The following SMAP1 variants were observed in gnomAD, a reference collection of about 807,000 sequenced individuals.
SMAP1 encodes small ArfGAP 1.
In SMAP1, 24 loss-of-function variants were observed where a neutral mutation model predicts 58.5. The ratio of observed to expected loss-of-function variants is 0.41; its 90% CI spans 0.30 to 0.58. The LOEUF is 0.58. Among genes scored for constraint, SMAP1 ranks in the 20% least tolerant of loss-of-function variants. The pLI is 0.29. For missense variants in SMAP1, 563 were observed against 566.3 expected (o/e 0.99, Z 0.06); for synonymous variants, 216 against 196.6 (o/e 1.10, Z -0.82).
intron 4 of SMAP1, among the ~76,000 whole-genome samples, chr6:70,782,346 C>T (rs923744445): frequency 4.0e-4 from 61 of 152,302 alleles, no homozygotes; most frequent in African/African-American, 1.3e-3. Context: ...TGCTTCCTTC[C>T]TCCTCTTTTC....
chr6:70,766,564 C>A (rs899494381), intron 3 of SMAP1, among the ~76,000 whole-genome samples: 26 of 152,084 alleles, frequency 1.7e-4, no homozygotes, highest in South Asian at 4.2e-4. Context: ...GTGTCTGTTC[C>A]TGTCCTTTGC....
chr6:70,707,595 CATTT>C (rs1424653459), intron 1 of SMAP1, among the ~76,000 whole-genome samples: 1 of 151,856 alleles, frequency 6.6e-6, no homozygotes, highest in African/African-American at 2.4e-5. Flanking sequence ...ACATTTTAAA[CATTT>C]ATTTATTTAT....
At chr6:70,759,771 A>G (rs931773913) in intron 3 of SMAP1, 16 of 320,136 alleles carry the variant, frequency 5.0e-5, no homozygotes, top group Middle Eastern at 4.0e-4. Flanking sequence ...GAAAGATGAG[A>G]TTTTTATAGT....
intron 5 of SMAP1, among the ~76,000 whole-genome samples, chr6:70,792,002 G>T (rs1437729957): frequency 6.6e-6 from 1 of 152,102 alleles, no homozygotes; most frequent in Non-Finnish European, 1.5e-5. Context: ...TATCTCAACA[G>T]TTAAGAAGCA....
At chr6:70,839,310 C>T (rs1377406052) in intron 7 of SMAP1, among the ~76,000 whole-genome samples, 1 of 152,158 alleles carries the variant, frequency 6.6e-6, no homozygotes. Flanking sequence ...TATCTTCTAC[C>T]ACCTTGTCTC....
chr6:70,679,276 C>T (rs1420019506), intron 1 of SMAP1, among the ~76,000 whole-genome samples: 1 of 152,114 alleles, frequency 6.6e-6, no homozygotes, highest in Non-Finnish European at 1.5e-5. Flanking sequence ...GCCTTGGCCT[C>T]CCAAAGTGCT....
Position 70,730,156 on chromosome 6 carries a change from C to A in SMAP1, c.119-2222C>A, listed in dbSNP as rs368116989. Among the ~76,000 whole-genome samples, 14 of 152,224 alleles carry A rather than the reference C, an allele frequency of 9.2e-5. No individual in the cohort carries two copies. The East Asian group carries it at 2.5e-3, about 27-fold the overall frequency. Reference sequence around the variant, plus strand: ...CTTTGAACTCCTGGGCTCAAGCTATCCTTCTGCCTCAGCCTCCCAAGTAGT... The same window carrying A: ...CTTTGAACTCCTGGGCTCAAGCTATACTTCTGCCTCAGCCTCCCAAGTAGT... On this transcript the variant is annotated intron_variant, in intron 1 of 10. Transcript: ENST00000370455.
intron 6 of SMAP1, among the ~76,000 whole-genome samples, chr6:70,831,630 G>C (rs1582273931): frequency 6.6e-6 from 1 of 152,164 alleles, no homozygotes; most frequent in African/African-American, 2.4e-5. Context: ...AGTATTCCTT[G>C]TGTATATGTA....
At chr6:70,761,857 A>C (rs1766759735) in intron 3 of SMAP1, among the ~76,000 whole-genome samples, 1 of 152,064 alleles carries the variant, frequency 6.6e-6, no homozygotes, top group Non-Finnish European at 1.5e-5. Context: ...TCATACGTTA[A>C]ATTCTTACTG....
rs185064132 is a variant in SMAP1, at chr6:70,774,621, G to A, written c.414+1196G>A. ...CAGCTCAATATGGTAGCTCATGCCT[G>A]TAATCCCAGCACTTTGGGAGGCCAA... On this transcript the variant is annotated intron_variant, in intron 4 of 10. Transcript: ENST00000370455. Among the ~76,000 whole-genome samples the A allele has an allele frequency of 4.6e-5, 7 of 152,284 alleles. No individual in the cohort carries two copies. In the East Asian group the frequency reaches 5.8e-4, roughly 13 times the overall value.
intron 7 of SMAP1, among the ~76,000 whole-genome samples, chr6:70,844,117 T>A (rs965962960): frequency 6.6e-5 from 10 of 152,182 alleles, no homozygotes; most frequent in Non-Finnish European, 1.3e-4. Flanking sequence ...TTGGGTGGCC[T>A]CAGGAATCTA....
intron 1 of SMAP1, among the ~76,000 whole-genome samples, chr6:70,697,466 C>T (rs1157027854): frequency 2.0e-5 from 3 of 152,004 alleles, no homozygotes; most frequent in African/African-American, 4.8e-5. Context: ...CCACCACACC[C>T]AGCTAATTTT....
intron 4 of SMAP1, 30 bp downstream of exon 4, chr6:70,773,455 G>T: frequency 7.6e-7 from 1 of 1,316,928 alleles, no homozygotes; most frequent in Non-Finnish European, 1.1e-6. Flanking sequence ...CTCATCAATT[G>T]TTTGTTGACT....
intron 1 of SMAP1, among the ~76,000 whole-genome samples, chr6:70,686,500 A>G (rs1766939774): frequency 3.3e-5 from 5 of 152,216 alleles, no homozygotes. Flanking sequence ...GAGGAATTAT[A>G]GTTAACTCTT....
chr6:70,819,594 G>A (rs928945667), intron 6 of SMAP1, among the ~76,000 whole-genome samples: 2 of 152,032 alleles, frequency 1.3e-5, no homozygotes, highest in Non-Finnish European at 2.9e-5. Flanking sequence ...AAAATGACTT[G>A]AAAATATACA....
chr6:70,761,573 A>G (rs537079687), intron 3 of SMAP1, among the ~76,000 whole-genome samples: 2 of 152,124 alleles, frequency 1.3e-5, no homozygotes, highest in East Asian at 3.9e-4. Flanking sequence ...TTTAAACTTG[A>G]TGGTATGCAA....
chr6:70,767,682 A>C (rs1271220987), intron 3 of SMAP1, among the ~76,000 whole-genome samples: 4 of 149,684 alleles, frequency 2.7e-5, no homozygotes, highest in Non-Finnish European at 4.4e-5. Context: ...ATATACAATC[A>C]TGTCATCTGC....
intron 1 of SMAP1, among the ~76,000 whole-genome samples, chr6:70,699,356 C>T (rs1220071249): frequency 2.0e-5 from 3 of 152,200 alleles, no homozygotes; most frequent in Non-Finnish European, 4.4e-5. Flanking sequence ...AGACCTGAAA[C>T]CAGCATAGCA....
intron 2 of SMAP1, among the ~76,000 whole-genome samples, chr6:70,753,049 A>AT (rs1397766398): frequency 6.6e-6 from 1 of 151,882 alleles, no homozygotes; most frequent in Non-Finnish European, 1.5e-5. Flanking sequence ...GTTCCTAATT[A>AT]TTTTTTATTT....
Sources: allele counts gnomAD v4.1 joint callset (sites outside exome capture counted in the v4.1 genomes callset), GRCh38; gene constraint gnomAD v4.1.1; transcripts MANE v1.5; gene names NCBI Gene and HGNC (gene_info 2026-07-23, HGNC 2026-07-21).